NOS1AP: variants seen among roughly 807,000 people sequenced by gnomAD.
NOS1AP encodes the protein carboxyl-terminal PDZ ligand of neuronal nitric oxide synthase protein.
A neutral mutation model predicts 56.2 loss-of-function variants in NOS1AP; 21 were observed. The observed-to-expected ratio is 0.37, with a 90% CI of 0.26 to 0.54. The LOEUF (loss-of-function observed/expected upper bound fraction) is 0.54. NOS1AP is among the 20% of genes least tolerant of loss of function. NOS1AP has a pLI of 0.84. For synonymous variants in NOS1AP, 270 were observed against 274.6 expected (o/e 0.98, Z 0.17); for missense variants, 522 against 657.8 (o/e 0.79, Z 2.26).
At chr1:162,128,925 G>A (rs964589403) in intron 1 of NOS1AP, among the ~76,000 whole-genome samples, 4 of 152,328 alleles carry the variant, frequency 2.6e-5, no homozygotes, top group Non-Finnish European at 5.9e-5. Flanking sequence ...AGTCACTTAA[G>A]GGTGGATTCC....
At chr1:162,325,794 C>T (rs1001970695) in intron 4 of NOS1AP, among the ~76,000 whole-genome samples, 1 of 151,876 alleles carries the variant, frequency 6.6e-6, no homozygotes, top group Non-Finnish European at 1.5e-5. Context: ...TCTTTATCAG[C>T]TGGTTTCATT....
intron 1 of NOS1AP, among the ~76,000 whole-genome samples, chr1:162,103,529 G>C (rs1647387566): frequency 6.6e-6 from 1 of 152,044 alleles, no homozygotes; most frequent in South Asian, 2.1e-4. Context: ...ATTGACAGTG[G>C]GGTATTGAAG....
chr1:162,316,425 C>T (rs998533052), intron 4 of NOS1AP, among the ~76,000 whole-genome samples: 1 of 152,232 alleles, frequency 6.6e-6, no homozygotes, highest in Non-Finnish European at 1.5e-5. Flanking sequence ...ACCCTCCTTC[C>T]TCTGGTTGGC....
chr1:162,352,064 T>C (rs1571238737), intron 6 of NOS1AP, among the ~76,000 whole-genome samples: 2 of 42,374 alleles, frequency 4.7e-5, no homozygotes, highest in Non-Finnish European at 1.6e-4. Context: ...CTTCGTCCTC[T>C]TTTTTTTTTT....
chr1:162,073,152 G>T (rs1424525902), intron 1 of NOS1AP, among the ~76,000 whole-genome samples: 3 of 152,104 alleles, frequency 2.0e-5, no homozygotes, highest in Non-Finnish European at 2.9e-5. Flanking sequence ...TTTTTCACCT[G>T]CAGTACCTCA....
chr1:162,246,452 A>G (rs1381351107), intron 2 of NOS1AP, among the ~76,000 whole-genome samples: 1 of 152,164 alleles, frequency 6.6e-6, no homozygotes, highest in Non-Finnish European at 1.5e-5. Flanking sequence ...TGTTCCTCCT[A>G]AATGTCTTAG....
chr1:162,231,036 T>C (rs1292619522), intron 2 of NOS1AP, among the ~76,000 whole-genome samples: 1 of 152,152 alleles, frequency 6.6e-6, no homozygotes, highest in Non-Finnish European at 1.5e-5. Context: ...CATATAGTAA[T>C]TCTATTTTCA....
At chr1:162,366,455 T>G (rs151475) in intron 9 of NOS1AP, among the ~76,000 whole-genome samples, 98,411 of 152,008 alleles carry the variant, frequency 0.65, 32,077 homozygotes, top group East Asian at 0.81. Context: ...AACCTAGATC[T>G]GATTGCAAAA....
At chr1:162,246,609 A>G (rs951569209) in intron 2 of NOS1AP, among the ~76,000 whole-genome samples, 32 of 152,228 alleles carry the variant, frequency 2.1e-4, no homozygotes, top group African/African-American at 7.2e-4. Context: ...AGTATAATAT[A>G]TTAGAAATAA....
chr1:162,098,187 A>G (rs773855268), intron 1 of NOS1AP, among the ~76,000 whole-genome samples: 15 of 144,264 alleles, frequency 1.0e-4, no homozygotes, highest in East Asian at 2.0e-4. Flanking sequence ...GCTCACTGCA[A>G]CCTCTGCCCC....
intron 8 of NOS1AP, among the ~76,000 whole-genome samples, chr1:162,361,277 CAA>C (rs35812318): frequency 6.7e-6 from 1 of 150,192 alleles, no homozygotes; most frequent in African/African-American, 2.4e-5. Context: ...ATGCTAAATA[CAA>C]AAAAAAAATC....
intron 2 of NOS1AP, among the ~76,000 whole-genome samples, chr1:162,240,115 T>G (rs1653436976): frequency 1.3e-5 from 2 of 152,170 alleles, no homozygotes; most frequent in African/African-American, 2.4e-5. Context: ...ACTGCTCAGA[T>G]GAGATTACCT....
intron 6 of NOS1AP, among the ~76,000 whole-genome samples, chr1:162,347,612 A>G (rs1222114889): frequency 2.0e-5 from 3 of 152,124 alleles, no homozygotes; most frequent in Non-Finnish European, 4.4e-5. Flanking sequence ...GCTAGATCTT[A>G]TTTCCCTTTT....
chr1:162,352,472 C>G (rs560996702), intron 6 of NOS1AP, among the ~76,000 whole-genome samples: 5 of 151,906 alleles, frequency 3.3e-5, no homozygotes, highest in African/African-American at 9.7e-5. Context: ...TATCTTTAGG[C>G]CAGGCCTTTT....
rs59173243 is a variant in NOS1AP at position 162,154,320 on chromosome 1, G to T, written c.106-85G>T. 9.6e-4 allele frequency: 1,121 copies of T among 1,168,068 alleles called. 16 individuals are homozygous for T. The African/African-American group carries it at 0.014, about 15-fold the overall frequency. The allele number at this position is 1,168,068 out of a possible 1,614,324, so 72.4% of individuals were successfully genotyped here. ...CTTCATCTGTAAAATGGGCAGATGAGCTAGTCCTTTACCCTTTGGAACTTT... is the reference window on the plus strand; with the variant it reads ...CTTCATCTGTAAAATGGGCAGATGATCTAGTCCTTTACCCTTTGGAACTTT... On this transcript the variant is annotated intron_variant, in intron 1 of 9. Coordinates refer to ENST00000361897, the MANE Select transcript of NOS1AP (RefSeq NM_014697.3).
rs1657716177 is a variant in NOS1AP, at chr1:162,356,722, A to G, written c.763-238A>G. ...CAGCCATCAGTCTCCCATCGGGGTCAGTTACCGAGGTGTCCCCCTAGTCCC... is the reference window on the plus strand; with the variant it reads ...CAGCCATCAGTCTCCCATCGGGGTCGGTTACCGAGGTGTCCCCCTAGTCCC... On this transcript the variant is annotated intron_variant, in intron 7 of 9. Transcript: ENST00000361897. Among the ~76,000 whole-genome samples, 4 of 152,236 alleles carry G rather than the reference A, an allele frequency of 2.6e-5. No individual in the cohort carries two copies. In the South Asian group the frequency reaches 8.3e-4, roughly 31 times the overall value.
intron 1 of NOS1AP, among the ~76,000 whole-genome samples, chr1:162,135,354 C>T (rs1029123985): frequency 6.6e-6 from 1 of 152,222 alleles, no homozygotes; most frequent in African/African-American, 2.4e-5. Flanking sequence ...CAAAGGTTTT[C>T]GACTTTCATA....
intron 2 of NOS1AP, among the ~76,000 whole-genome samples, chr1:162,189,578 G>A (rs1651552022): frequency 6.6e-6 from 1 of 152,154 alleles, no homozygotes; most frequent in Non-Finnish European, 1.5e-5. Flanking sequence ...CTGGGAAACA[G>A]GTAAATAAGA....
intron 4 of NOS1AP, among the ~76,000 whole-genome samples, chr1:162,301,791 T>C (rs1489978738): frequency 2.6e-5 from 4 of 152,190 alleles, no homozygotes; most frequent in African/African-American, 9.7e-5. Context: ...AGGTTTTGAT[T>C]TTGTCCGCTC....
Sources: allele counts gnomAD v4.1 joint callset (sites outside exome capture counted in the v4.1 genomes callset), GRCh38; gene constraint gnomAD v4.1.1; transcripts MANE v1.5; gene names NCBI Gene and HGNC (gene_info 2026-07-23, HGNC 2026-07-21).